GRIK2: variants seen among roughly 807,000 people sequenced by gnomAD.
GRIK2 encodes glutamate ionotropic receptor kainate type subunit 2, also known as glutamate receptor ionotropic, kainate 2.
Under a neutral mutation model 100.3 loss-of-function variants are expected in GRIK2, and 32 were observed. The ratio of observed to expected loss-of-function variants is 0.32; its 90% CI spans 0.24 to 0.43. GRIK2 has a LOEUF of 0.43. GRIK2 is among the 20% of genes least tolerant of loss of function. The pLI, the probability that GRIK2 is intolerant of heterozygous loss-of-function variation, is 1.00. For missense variants in GRIK2, 843 were observed against 1,114.9 expected, an observed-to-expected ratio of 0.76 and a Z score of 3.47; for synonymous variants, 417 against 389.4, an observed-to-expected ratio of 1.07 and a Z score of -0.83.
At chr6:101,417,183 A>G (rs9386278) in intron 2 of GRIK2, among the ~76,000 whole-genome samples, 12,295 of 152,186 alleles carry the variant, frequency 0.081, 672 homozygotes, top group East Asian at 0.29. Flanking sequence ...ATCTCATGAG[A>G]CTTATTCACT....
chr6:102,032,651 A>G (rs963362461), intron 14 of GRIK2, among the ~76,000 whole-genome samples: 3 of 151,280 alleles, frequency 2.0e-5, no homozygotes, highest in Admixed American at 1.3e-4. Context: ...TTTCTCTCAT[A>G]TTAGAGAGTT....
chr6:101,795,188 A>G (rs532056260), intron 7 of GRIK2, among the ~76,000 whole-genome samples: 22 of 152,046 alleles, frequency 1.4e-4, no homozygotes, highest in African/African-American at 5.1e-4. Flanking sequence ...ATTTTTTTGG[A>G]TGGATTTTCA....
At chr6:101,739,661 A>T (rs1476657584) in intron 7 of GRIK2, among the ~76,000 whole-genome samples, 2 of 152,242 alleles carry the variant, frequency 1.3e-5, no homozygotes, top group East Asian at 1.9e-4. Context: ...TTAGGTAATT[A>T]TAAGGAAGAT....
intron 2 of GRIK2, among the ~76,000 whole-genome samples, chr6:101,503,608 T>G (rs1773878557): frequency 1.3e-5 from 2 of 152,180 alleles, no homozygotes; most frequent in Admixed American, 1.3e-4. Context: ...CTGGATGTTT[T>G]GCTGAGATTT....
At chr6:101,622,862 A>G (rs1302416171) in intron 3 of GRIK2, among the ~76,000 whole-genome samples, 1 of 152,040 alleles carries the variant, frequency 6.6e-6, no homozygotes, top group Non-Finnish European at 1.5e-5. Context: ...ATTTATTTTA[A>G]CCAGACAGCT....
Position 101,586,829 on chromosome 6 carries a change from G to T in GRIK2, c.116-35120G>T, listed in dbSNP as rs576789524. Among the ~76,000 whole-genome samples the T allele has an allele frequency of 4.1e-5, 6 of 147,574 alleles. No homozygotes were observed. In the South Asian group the frequency reaches 1.3e-3, roughly 31 times the overall value. ...TGCTTGAACCCAGGAGGCAGAGTTT[G>T]CAGTGAGCCGAGATCCTGCTACTGC... On this transcript the variant is annotated intron_variant, in intron 2 of 16. Coordinates refer to ENST00000369134, the MANE Select transcript of GRIK2 (RefSeq NM_021956.5).
At chr6:101,694,368 T>C (rs1317923019) in intron 7 of GRIK2, among the ~76,000 whole-genome samples, 5 of 152,132 alleles carry the variant, frequency 3.3e-5, no homozygotes, top group East Asian at 1.9e-4. Flanking sequence ...TGTTCAATGC[T>C]GTAAGTTAAA....
intron 2 of GRIK2, among the ~76,000 whole-genome samples, chr6:101,551,853 G>A (rs1294176518): frequency 3.3e-5 from 5 of 152,130 alleles, no homozygotes. Flanking sequence ...TAGTATACTA[G>A]ACAAAACATT....
intron 2 of GRIK2, among the ~76,000 whole-genome samples, chr6:101,587,139 AAG>A (rs1221761683): frequency 2.0e-5 from 3 of 152,070 alleles, no homozygotes; most frequent in Non-Finnish European, 4.4e-5. Context: ...ATGAATATGA[AAG>A]AAAAAATGAA....
intron 7 of GRIK2, among the ~76,000 whole-genome samples, chr6:101,730,261 G>A (rs1294839503): frequency 1.3e-5 from 2 of 151,930 alleles, no homozygotes; most frequent in East Asian, 1.9e-4. Flanking sequence ...AGAAGTAAAA[G>A]TCAGAAGCTA....
At chr6:101,431,847 A>G (rs1162498159) in intron 2 of GRIK2, among the ~76,000 whole-genome samples, 1 of 152,102 alleles carries the variant, frequency 6.6e-6, no homozygotes, top group Non-Finnish European at 1.5e-5. Flanking sequence ...GCCCATGATA[A>G]CATCACCCAT....
At chr6:101,802,474 T>C (rs746171479) in intron 9 of GRIK2, 36 bp downstream of exon 9, 1 of 861,600 alleles carries the variant, frequency 1.2e-6, no homozygotes, top group Non-Finnish European at 1.8e-6. Flanking sequence ...AATTACTAAA[T>C]GAAACATATC....
chr6:101,405,431 A>T (rs991329224), intron 2 of GRIK2, among the ~76,000 whole-genome samples: 5 of 152,022 alleles, frequency 3.3e-5, no homozygotes, highest in African/African-American at 1.2e-4. Flanking sequence ...GTAAGTGTTG[A>T]TGATAAATTC....
chr6:101,682,188 A>T (rs899264236), intron 5 of GRIK2, among the ~76,000 whole-genome samples: 2 of 152,218 alleles, frequency 1.3e-5, no homozygotes, highest in Non-Finnish European at 2.9e-5. Context: ...ATTGTTCATT[A>T]AAATAAAATG....
At chr6:102,066,563 A>G (rs1445837690) in intron 16 of GRIK2, among the ~76,000 whole-genome samples, 1 of 151,608 alleles carries the variant, frequency 6.6e-6, no homozygotes, top group African/African-American at 2.4e-5. Context: ...GGTAGGGGAT[A>G]AAGTTGGGAT....
intron 2 of GRIK2, among the ~76,000 whole-genome samples, chr6:101,583,897 A>G (rs58090849): frequency 6.6e-6 from 1 of 151,932 alleles, no homozygotes; most frequent in African/African-American, 2.4e-5. Flanking sequence ...TCTGGCAGAG[A>G]AAATTAAAAG....
intron 2 of GRIK2, among the ~76,000 whole-genome samples, chr6:101,605,214 C>A (rs758329801): frequency 1.3e-5 from 2 of 151,938 alleles, no homozygotes; most frequent in Non-Finnish European, 2.9e-5. Context: ...TGTATCCCTG[C>A]TGTGTGATCT....
rs984989165 is a variant in GRIK2 at position 101,867,779 on chromosome 6, AT to A, written c.1524+8295del. ...TATTTATATATATTTTTAAATTTAA[AT>A]TTTTTTTTGCTGTGATGTATTCTGA... On this transcript the variant is annotated intron_variant, in intron 11 of 16. Transcript: ENST00000369134. Among the ~76,000 whole-genome samples the A allele has an allele frequency of 1.8e-4, 27 of 150,238 alleles. 1 individual carries two copies. Among genetic ancestry groups the A allele is most frequent in the African/African-American group, 3.7e-4 (15 of 41,010 alleles).
At chr6:102,066,656 A>C (rs1772031522) in intron 16 of GRIK2, among the ~76,000 whole-genome samples, 1 of 151,560 alleles carries the variant, frequency 6.6e-6, no homozygotes, top group Admixed American at 6.6e-5. Context: ...CCACCAATAA[A>C]GGGAGTGTGA....
Sources: allele counts gnomAD v4.1 joint callset (sites outside exome capture counted in the v4.1 genomes callset), GRCh38; gene constraint gnomAD v4.1.1; transcripts MANE v1.5; gene names NCBI Gene and HGNC (gene_info 2026-07-23, HGNC 2026-07-21).